Variants in NOX4 observed in about 807,000 individuals in gnomAD.
NOX4 encodes the protein kidney oxidase-1.
In NOX4, 69 loss-of-function variants were observed where a neutral mutation model predicts 87.6. The ratio of observed to expected loss-of-function variants is 0.79; its 90% CI spans 0.65 to 0.96. NOX4 has a LOEUF of 0.96. NOX4 is among the 40% of genes least tolerant of loss of function. NOX4 has a pLI of 0.00. For synonymous variants in NOX4, 275 were observed against 238.2 expected (o/e 1.15, Z -1.42); for missense variants, 680 against 681.5 (o/e 1.00, Z 0.02).
chr11:89,371,722 T>A, intron 12 of NOX4, among the ~76,000 whole-genome samples: 1 of 151,840 alleles, frequency 6.6e-6, no homozygotes, highest in Admixed American at 6.6e-5. Flanking sequence ...ATATTGGGCA[T>A]ATTGTGATTA....
At chr11:89,574,066 TG>T in the NOX4 span, among the ~76,000 whole-genome samples, 1 of 152,210 alleles carries the variant, frequency 6.6e-6, no homozygotes, top group African/African-American at 2.4e-5. Context: ...TTAATAGCTT[TG>T]GATGGTAAGG....
chr11:89,506,235 AAGAG>A, the NOX4 span, among the ~76,000 whole-genome samples: 4 of 149,186 alleles, frequency 2.7e-5, no homozygotes, highest in African/African-American at 9.9e-5. Context: ...GAAAGAAAGA[AAGAG>A]AGAGAGAGAA....
At chr11:89,533,032 A>G in the NOX4 span, among the ~76,000 whole-genome samples, 1 of 152,164 alleles carries the variant, frequency 6.6e-6, no homozygotes, top group Non-Finnish European at 1.5e-5. Context: ...ACCGAGTCTC[A>G]GGTACTTCTT....
At chr11:89,407,428 T>G (rs1942248382) in intron 8 of NOX4, among the ~76,000 whole-genome samples, 2 of 152,244 alleles carry the variant, frequency 1.3e-5, no homozygotes, top group East Asian at 1.9e-4. Flanking sequence ...TTATATGATG[T>G]TCCAAGGAGA....
intron 9 of NOX4, 133 bp from the exon 10 acceptor site, chr11:89,400,512 A>G (rs186008091): frequency 2.1e-4 from 123 of 573,348 alleles, no homozygotes; most frequent in African/African-American, 2.0e-3. Flanking sequence ...AACATAACAA[A>G]TGAGTAAAAA....
At chr11:89,552,471 T>C in the NOX4 span, among the ~76,000 whole-genome samples, 1 of 152,196 alleles carries the variant, frequency 6.6e-6, no homozygotes, top group African/African-American at 2.4e-5. Flanking sequence ...TATAATTCAT[T>C]GCCTCACATT....
chr11:89,364,260 C>G (rs1170080038), intron 12 of NOX4, among the ~76,000 whole-genome samples: 2 of 151,954 alleles, frequency 1.3e-5, no homozygotes, highest in South Asian at 4.1e-4. Flanking sequence ...CTCTCTTTCT[C>G]TCTCTCTGTT....
rs2135353119 is a variant in NOX4 at position 89,440,677 on chromosome 11, TAAC to T, written c.475+8_475+10del. On this transcript the variant is annotated splice_region_variant and intron_variant, in intron 6 of 17. Coordinates refer to ENST00000263317, the MANE Select transcript of NOX4 (RefSeq NM_016931.5). Reference sequence around the variant, plus strand: ...CTAAACCTAAAGAAAAGGCTAAGAATAACAACTTACCAGTTGTGAAGAGAAGTT... The same window carrying T: ...CTAAACCTAAAGAAAAGGCTAAGAATAACTTACCAGTTGTGAAGAGAAGTT... 6.5e-7 allele frequency: 1 copy of T among 1,542,516 alleles called. No individual in the cohort carries two copies. The highest frequency in any genetic ancestry group is 8.8e-7 in the Non-Finnish European group (1 of 1,132,166).
chr11:89,464,083 A>G (rs1483647610), intron 2 of NOX4, among the ~76,000 whole-genome samples: 1 of 152,064 alleles, frequency 6.6e-6, no homozygotes, highest in Non-Finnish European at 1.5e-5. Context: ...TAAATCATCC[A>G]TATTTCCTTT....
At chr11:89,379,864 T>C (rs1259952955) in intron 11 of NOX4, among the ~76,000 whole-genome samples, 1 of 152,190 alleles carries the variant, frequency 6.6e-6, no homozygotes, top group Non-Finnish European at 1.5e-5. Flanking sequence ...TTCGACTAGA[T>C]GACTGCAACA....
At chr11:89,409,191 T>C (rs1942343086) in intron 8 of NOX4, among the ~76,000 whole-genome samples, 1 of 152,178 alleles carries the variant, frequency 6.6e-6, no homozygotes, top group African/African-American at 2.4e-5. Context: ...TTATTTCATG[T>C]TTCAGAAAGT....
chr11:89,386,132 T>C (rs1395397386), intron 11 of NOX4, among the ~76,000 whole-genome samples: 2 of 152,148 alleles, frequency 1.3e-5, no homozygotes, highest in African/African-American at 4.8e-5. Context: ...CTTCTCAGAA[T>C]TCTGGCCTGT....
intron 16 of NOX4, 59 bp from the exon 17 acceptor site, chr11:89,336,004 C>G: frequency 9.5e-7 from 1 of 1,057,840 alleles, no homozygotes; most frequent in Non-Finnish European, 1.4e-6. Context: ...AGTTCTCTAA[C>G]ATCATTTCTG....
the NOX4 span, among the ~76,000 whole-genome samples, chr11:89,561,542 C>T: frequency 2.0e-5 from 3 of 152,246 alleles, no homozygotes; most frequent in East Asian, 3.9e-4. Context: ...ATAATAATTG[C>T]TAATGTTAAG....
intron 8 of NOX4, among the ~76,000 whole-genome samples, chr11:89,411,248 C>T (rs1034124497): frequency 6.6e-6 from 1 of 152,130 alleles, no homozygotes; most frequent in Non-Finnish European, 1.5e-5. Flanking sequence ...CGCCATGGGC[C>T]TTGGGTGAGA....
intron 3 of NOX4, 87 bp from the exon 4 acceptor site, chr11:89,449,611 T>A (rs1944864541): frequency 9.7e-7 from 1 of 1,034,606 alleles, no homozygotes; most frequent in African/African-American, 1.6e-5. Flanking sequence ...TATGTCAAAA[T>A]TTTTAAAATA....
At chr11:89,549,180 AT>A in the NOX4 span, among the ~76,000 whole-genome samples, 1 of 152,172 alleles carries the variant, frequency 6.6e-6, no homozygotes, top group South Asian at 2.1e-4. Context: ...GATTTTTTAG[AT>A]TATTTACTAT....
Position 89,324,642 on chromosome 11 carries a change from C to T in NOX4, c.*2114G>A, listed in dbSNP as rs186501013. 2.0e-5 allele frequency: 3 copies of T among 152,154 alleles called. No homozygotes were observed. The highest frequency in any genetic ancestry group is 1.9e-4 in the East Asian group (1 of 5,174). 9.4% of individuals were successfully genotyped at this position (152,154 alleles called of 1,614,324 possible). On this transcript the variant is annotated 3_prime_UTR_variant, in exon 18 of 18. Transcript: ENST00000263317. ...ATGAAATTAGGTCTATTAATATGAT[C>T]GCATAAATAAATTATGATCAGTATA...
rs775012570 is a variant in NOX4 at position 89,340,077 on chromosome 11, T to C, written c.1432A>G (p.Met478Val). 6.4e-7 allele frequency: 1 copy of C among 1,557,520 alleles called. No individual in the cohort carries two copies. Among genetic ancestry groups the C allele is most frequent in the South Asian group, 1.2e-5 (1 of 82,904 alleles). The change falls in exon 15 of 18, where the codon ATG becomes GTG. Residue 478 changes from methionine (M) to valine (V), a missense_variant. Coordinates refer to ENST00000263317, the MANE Select transcript of NOX4 (RefSeq NM_016931.5). ...CCTAATGTTACCTTGTTATGCAACA[T>C]ACAGAGTAAATCTGCAAACCAACGG... ...SFRWFADLLC[M>V]LHNKFWQENR...
Sources: gnomAD v4.1 joint callset for allele counts (sites outside exome capture counted in the v4.1 genomes callset) on GRCh38, gnomAD v4.1.1 for gene constraint, MANE v1.5 for transcripts, NCBI Gene and HGNC (gene_info 2026-07-23, HGNC 2026-07-21) for gene names.